Variants in FGF12 observed in about 807,000 individuals in gnomAD.
The protein encoded by FGF12 is fibroblast growth factor 12B.
Under a neutral mutation model 23.6 loss-of-function variants are expected in FGF12, and 14 were observed. The ratio of observed to expected loss-of-function variants is 0.59; its 90% confidence interval spans 0.39 to 0.93. The LOEUF is 0.93. Ranked by LOEUF, FGF12 falls within the 40% of genes least tolerant of loss-of-function variation. The pLI is 0.00. For synonymous variants in FGF12, 62 were observed against 77.3 expected, an observed-to-expected ratio of 0.80 and a Z score of 1.04; for missense variants, 175 against 217.8, an observed-to-expected ratio of 0.80 and a Z score of 1.24.
At chr3:192,494,558 A>G (rs1175586534) in intron 2 of FGF12, among the ~76,000 whole-genome samples, 1 of 152,204 alleles carries the variant, frequency 6.6e-6, no homozygotes. Flanking sequence ...TATCCTGGTC[A>G]TTATCCCCTA....
chr3:192,407,174 A>G (rs1403841527), intron 2 of FGF12, among the ~76,000 whole-genome samples: 2 of 152,114 alleles, frequency 1.3e-5, no homozygotes, highest in African/African-American at 4.8e-5. Context: ...TCCAAAAGCA[A>G]TCATCTGCGG....
At chr3:192,147,633 A>T (rs1040052484) in intron 5 of FGF12, among the ~76,000 whole-genome samples, 4 of 152,174 alleles carry the variant, frequency 2.6e-5, no homozygotes, top group Non-Finnish European at 4.4e-5. Context: ...CAGTGAATAT[A>T]GTAGGTGAGA....
intron 4 of FGF12, among the ~76,000 whole-genome samples, chr3:192,274,383 G>A (rs542685047): frequency 1.1e-3 from 169 of 152,212 alleles, no homozygotes; most frequent in African/African-American, 4.0e-3. Context: ...AACAGAGAAA[G>A]TACTTCAAAA....
At chr3:192,326,016 A>G (rs1716800182) in intron 4 of FGF12, among the ~76,000 whole-genome samples, 1 of 152,194 alleles carries the variant, frequency 6.6e-6, no homozygotes, top group South Asian at 2.1e-4. Flanking sequence ...CCAGACAGCC[A>G]GTGAATTATT....
intron 2 of FGF12, among the ~76,000 whole-genome samples, chr3:192,393,411 C>T (rs1003529585): frequency 1.3e-5 from 2 of 152,306 alleles, no homozygotes; most frequent in South Asian, 2.1e-4. Flanking sequence ...GTTTGACACA[C>T]ACCATGAGGT....
chr3:192,293,547 C>T (rs1256940360), intron 4 of FGF12, among the ~76,000 whole-genome samples: 2 of 152,106 alleles, frequency 1.3e-5, no homozygotes, highest in East Asian at 3.8e-4. Flanking sequence ...AAAGAAGTGC[C>T]AAATTTTGTG....
intron 4 of FGF12, among the ~76,000 whole-genome samples, chr3:192,317,674 G>A (rs1241051593): frequency 6.6e-6 from 1 of 152,150 alleles, no homozygotes; most frequent in Admixed American, 6.5e-5. Flanking sequence ...GCCTTGAAGG[G>A]AGCAAGCCTG....
chr3:192,247,893 T>A (rs976993757), intron 4 of FGF12, among the ~76,000 whole-genome samples: 1 of 152,228 alleles, frequency 6.6e-6, no homozygotes, highest in Non-Finnish European at 1.5e-5. Flanking sequence ...TTAAGCCAGA[T>A]GGTGGATTAA....
At chr3:192,620,451 C>A (rs1402394237) in intron 2 of FGF12, among the ~76,000 whole-genome samples, 2 of 152,114 alleles carry the variant, frequency 1.3e-5, no homozygotes, top group East Asian at 3.9e-4. Flanking sequence ...TCCTTCCCTG[C>A]TGAGAATTAT....
chr3:192,331,979 C>G (rs1276040564), intron 4 of FGF12, among the ~76,000 whole-genome samples: 2 of 152,046 alleles, frequency 1.3e-5, no homozygotes, highest in East Asian at 3.9e-4. Flanking sequence ...CATCCGCACA[C>G]CTTCACACAC....
At chr3:192,716,607 G>A (rs1002376891) in intron 2 of FGF12, among the ~76,000 whole-genome samples, 2 of 152,118 alleles carry the variant, frequency 1.3e-5, no homozygotes, top group Non-Finnish European at 2.9e-5. Context: ...GGATTTTAAG[G>A]AAAGAATCCA....
chr3:192,605,987 C>A (rs1398224721), intron 2 of FGF12, among the ~76,000 whole-genome samples: 1 of 152,164 alleles, frequency 6.6e-6, no homozygotes. Context: ...TAAAAGAGAA[C>A]TACCATTCAA....
chr3:192,570,881 A>G (rs904869049), intron 2 of FGF12, among the ~76,000 whole-genome samples: 9 of 152,222 alleles, frequency 5.9e-5, no homozygotes, highest in African/African-American at 2.2e-4. Flanking sequence ...TTTAATAACT[A>G]TTCTAAGCTG....
chr3:192,466,343 G>A (rs1443148551), intron 2 of FGF12, among the ~76,000 whole-genome samples: 1 of 152,116 alleles, frequency 6.6e-6, no homozygotes, highest in Non-Finnish European at 1.5e-5. Context: ...GCAAATCACA[G>A]AATGTATGCG....
At chr3:192,555,968 A>C (rs970118657) in intron 2 of FGF12, among the ~76,000 whole-genome samples, 6 of 152,264 alleles carry the variant, frequency 3.9e-5, no homozygotes, top group African/African-American at 1.4e-4. Flanking sequence ...AAAATGTCTA[A>C]TGTAAGCCCT....
intron 2 of FGF12, among the ~76,000 whole-genome samples, chr3:192,709,783 C>A (rs972956449): frequency 6.6e-6 from 1 of 152,180 alleles, no homozygotes; most frequent in Admixed American, 6.5e-5. Context: ...GACTTAATCA[C>A]TTCCACCCCC....
At chr3:192,228,576 A>C (rs1718857485) in intron 4 of FGF12, among the ~76,000 whole-genome samples, 1 of 152,088 alleles carries the variant, frequency 6.6e-6, no homozygotes, top group Non-Finnish European at 1.5e-5. Context: ...AAAATTTATC[A>C]CAATCACCAT....
intron 2 of FGF12, among the ~76,000 whole-genome samples, chr3:192,376,055 C>A (rs984652446): frequency 7.9e-5 from 12 of 152,054 alleles, no homozygotes; most frequent in Admixed American, 2.0e-4. Context: ...TGGGGTTCTG[C>A]AAATTCTCTA....
chr3:192,362,399 C>T (rs556198036), intron 2 of FGF12, among the ~76,000 whole-genome samples: 15 of 152,108 alleles, frequency 9.9e-5, no homozygotes, highest in Non-Finnish European at 7.4e-5. Flanking sequence ...CCCTCCACCC[C>T]ACGACAGTCC....
Sources: allele counts gnomAD v4.1 joint callset (sites outside exome capture counted in the v4.1 genomes callset), GRCh38; gene constraint gnomAD v4.1.1; transcripts MANE v1.5; gene names NCBI Gene and HGNC (gene_info 2026-07-23, HGNC 2026-07-21).